The following IQCM variants were observed in gnomAD, a reference collection of about 807,000 sequenced individuals.
IQCM encodes IQ domain-containing protein M.
In IQCM, 45 loss-of-function variants were observed where a neutral mutation model predicts 57.6. The observed-to-expected ratio is 0.78, with a 90% CI of 0.62 to 1.00. IQCM has a LOEUF of 1.00. Among genes scored for constraint, IQCM ranks in the 50% least tolerant of loss-of-function variants. The pLI is 0.00. For synonymous variants in IQCM, 148 were observed against 158.9 expected (o/e 0.93, Z 0.51); for missense variants, 468 against 511.6 (o/e 0.91, Z 0.82).
chr4:149,362,263 T>G (rs1010791780), intron 13 of IQCM, among the ~76,000 whole-genome samples: 1 of 152,068 alleles, frequency 6.6e-6, no homozygotes, highest in Admixed American at 6.5e-5. Context: ...GACTGTGGAC[T>G]TTTGGGTTAA....
At position 149,433,607 on chromosome 4, in the gene IQCM, T is replaced by C. The variant is rs910514413; in HGVS notation, c.1229-50A>G. Reference sequence around the variant, plus strand: ...AAAATTTTAGACATTTTACAGACTGTCATACTTGCTTCTTTTAAGGGATGC... The same window carrying C: ...AAAATTTTAGACATTTTACAGACTGCCATACTTGCTTCTTTTAAGGGATGC... On this transcript the variant is annotated intron_variant, in intron 12 of 13. Coordinates refer to ENST00000636793, the MANE Select transcript of IQCM (RefSeq NM_001363507.2). 6.0e-5 allele frequency: 43 copies of C among 715,128 alleles called. 1 individual carries two copies. The Admixed American group carries it at 7.4e-4, about 12-fold the overall frequency. 44.3% of individuals were successfully genotyped at this position (715,128 alleles called of 1,614,324 possible). A position where few individuals can be genotyped will look rare whatever the true frequency, so the allele number is the denominator to read the frequency against.
intron 9 of IQCM, among the ~76,000 whole-genome samples, chr4:149,579,016 G>C (rs1449695927): frequency 1.3e-5 from 2 of 151,804 alleles, no homozygotes; most frequent in Non-Finnish European, 2.9e-5. Context: ...TTCCCTGCCT[G>C]AGATTTCATT....
intron 12 of IQCM, among the ~76,000 whole-genome samples, chr4:149,470,680 G>T (rs1739423499): frequency 6.6e-6 from 1 of 152,154 alleles, no homozygotes; most frequent in African/African-American, 2.4e-5. Flanking sequence ...ATTCTTCTCA[G>T]CAATACATCA....
At chr4:149,794,127 C>T (rs1772893831) in intron 2 of IQCM, among the ~76,000 whole-genome samples, 1 of 152,098 alleles carries the variant, frequency 6.6e-6, no homozygotes, top group Non-Finnish European at 1.5e-5. Context: ...GTCTGTTGTG[C>T]CCAGGAAAGA....
intron 12 of IQCM, among the ~76,000 whole-genome samples, chr4:149,539,032 G>A (rs1579413721): frequency 6.6e-6 from 1 of 151,956 alleles, no homozygotes; most frequent in South Asian, 2.1e-4. Flanking sequence ...CTCTATAGAA[G>A]ATAAATAAAA....
At chr4:149,499,843 G>A (rs1297499436) in intron 12 of IQCM, among the ~76,000 whole-genome samples, 1 of 152,116 alleles carries the variant, frequency 6.6e-6, no homozygotes, top group Non-Finnish European at 1.5e-5. Flanking sequence ...TGATTACTTT[G>A]GGATATAATT....
intron 12 of IQCM, among the ~76,000 whole-genome samples, chr4:149,515,070 A>ATGTG (rs1744806911): frequency 1.3e-4 from 5 of 37,082 alleles, no homozygotes; most frequent in Non-Finnish European, 3.2e-4. Context: ...ATATATATAC[A>ATGTG]CGTGTGTGTG....
At chr4:149,495,054 G>A (rs1448653701) in intron 12 of IQCM, among the ~76,000 whole-genome samples, 1 of 152,000 alleles carries the variant, frequency 6.6e-6, no homozygotes, top group African/African-American at 2.4e-5. Context: ...GTAAGAAAAA[G>A]GTAGAGATAA....
intron 13 of IQCM, among the ~76,000 whole-genome samples, chr4:149,402,743 G>T (rs1465178111): frequency 1.3e-5 from 2 of 151,856 alleles, no homozygotes; most frequent in African/African-American, 4.8e-5. Flanking sequence ...TCTGTAGTTG[G>T]AGTATCCTAT....
intron 13 of IQCM, among the ~76,000 whole-genome samples, chr4:149,384,984 C>T (rs548270946): frequency 6.6e-6 from 1 of 152,006 alleles, no homozygotes; most frequent in East Asian, 1.9e-4. Context: ...TTTTCTACAC[C>T]ATCCACTTCA....
intron 2 of IQCM, among the ~76,000 whole-genome samples, chr4:149,746,873 G>T (rs931204590): frequency 1.3e-5 from 2 of 152,098 alleles, no homozygotes; most frequent in African/African-American, 4.8e-5. Context: ...TCTGCGCTCT[G>T]TAACTCTGGA....
At chr4:149,730,623 T>C (rs1766369119) in intron 5 of IQCM, among the ~76,000 whole-genome samples, 1 of 152,210 alleles carries the variant, frequency 6.6e-6, no homozygotes, top group African/African-American at 2.4e-5. Flanking sequence ...AGATAGAATT[T>C]TCTTTCTCTT....
At chr4:149,660,523 AC>A (rs1247936254) in intron 7 of IQCM, among the ~76,000 whole-genome samples, 6 of 152,234 alleles carry the variant, frequency 3.9e-5, no homozygotes, top group Non-Finnish European at 5.9e-5. Context: ...CTACAAAGAC[AC>A]ATGCACATGT....
chr4:149,629,405 T>C (rs561743509), intron 7 of IQCM, among the ~76,000 whole-genome samples: 2 of 152,114 alleles, frequency 1.3e-5, no homozygotes, highest in Non-Finnish European at 2.9e-5. Context: ...AGAGACCCAA[T>C]ATAATGGCGA....
chr4:149,528,837 T>C (rs1445229910), intron 12 of IQCM, among the ~76,000 whole-genome samples: 2 of 152,116 alleles, frequency 1.3e-5, no homozygotes, highest in African/African-American at 4.8e-5. Context: ...CTCTGAGGTA[T>C]GAATGGCATT....
intron 11 of IQCM, among the ~76,000 whole-genome samples, chr4:149,552,128 G>C (rs1283589602): frequency 6.6e-6 from 1 of 151,960 alleles, no homozygotes; most frequent in Non-Finnish European, 1.5e-5. Flanking sequence ...AAAGAGTTCT[G>C]GTTATCTGCA....
At chr4:149,352,174 T>C in intron 13 of IQCM, 108 bp from the exon 14 acceptor site, 1 of 394,904 alleles carries the variant, frequency 2.5e-6, no homozygotes, top group Non-Finnish European at 4.5e-6. Context: ...TATGGTTGTG[T>C]TAGAACATGC....
At chr4:149,481,696 G>GTTTTTTTTTTTTTTT (rs1197852884) in intron 12 of IQCM, among the ~76,000 whole-genome samples, 118 of 33,614 alleles carry the variant, frequency 3.5e-3, no homozygotes, top group East Asian at 8.2e-3. Context: ...GATTCTTCCA[G>GTTTTTTTTTTTTTTT]TTTTGTTTTT....
chr4:149,684,411 T>G (rs1225477700), intron 6 of IQCM, among the ~76,000 whole-genome samples: 1 of 151,350 alleles, frequency 6.6e-6, no homozygotes, highest in Non-Finnish European at 1.5e-5. Flanking sequence ...AGAGTCATCT[T>G]AACAATCAGC....
Sources: gnomAD v4.1 joint callset for allele counts (sites outside exome capture counted in the v4.1 genomes callset) on GRCh38, gnomAD v4.1.1 for gene constraint, MANE v1.5 for transcripts, NCBI Gene and HGNC (gene_info 2026-07-23, HGNC 2026-07-21) for gene names.